CD44: variants seen among roughly 807,000 people sequenced by gnomAD.
The protein encoded by CD44 is CD44 antigen.
Under a neutral mutation model 88.8 loss-of-function variants are expected in CD44, and 49 were observed. The ratio of observed to expected loss-of-function variants is 0.55; its 90% CI spans 0.44 to 0.70. The LOEUF is 0.70. Among genes scored for constraint, CD44 ranks in the 30% least tolerant of loss-of-function variants. The pLI, the probability that CD44 is intolerant of heterozygous loss-of-function variation, is 0.00. For synonymous variants in CD44, 325 were observed against 312.3 expected, an observed-to-expected ratio of 1.04 and a Z score of -0.43; for missense variants, 883 against 913.8, an observed-to-expected ratio of 0.97 and a Z score of 0.43.
chr11:35,182,021 A>G (rs1472682427), intron 3 of CD44, among the ~76,000 whole-genome samples: 3 of 122,802 alleles, frequency 2.4e-5, no homozygotes, highest in Non-Finnish European at 4.8e-5. Context: ...ATATATGTAT[A>G]TATAAATATA....
chr11:35,207,344 A>T (rs1947964840), intron 11 of CD44, among the ~76,000 whole-genome samples: 1 of 152,218 alleles, frequency 6.6e-6, no homozygotes, highest in Non-Finnish European at 1.5e-5. Context: ...ATAGACTTTG[A>T]CTGAATTGAC....
chr11:35,206,755 G>T (rs1457646275), intron 11 of CD44, among the ~76,000 whole-genome samples: 1 of 151,734 alleles, frequency 6.6e-6, no homozygotes, highest in Non-Finnish European at 1.5e-5. Flanking sequence ...GTCAGTGAGT[G>T]GATCCATTTT....
In CD44 at chr11:35,206,179, G is replaced by T. The variant is rs1268122984; in HGVS notation, c.1350G>T (p.Trp450Cys). ...RTTPSPEDSS[W>C]TDFFNPISHP... is the part of the protein sequence containing the mutation. ...CACCAAGCCCAGAGGACAGTTCCTGGACTGATTTCTTCAACCCAATCTCAC... is the reference window on the plus strand; with the variant it reads ...CACCAAGCCCAGAGGACAGTTCCTGTACTGATTTCTTCAACCCAATCTCAC... The change falls in exon 11 of 18, where the codon TGG becomes TGT. Residue 450 changes from tryptophan (W) to cysteine (C), a missense_variant. By Grantham distance (215) the Trp-to-Cys change is radical. This residue lies in a region of CD44 where 631 missense variants were observed against 590.9 expected (regional missense o/e 1.07). Transcript: ENST00000428726. 1 of 1,612,516 alleles carries T rather than the reference G, an allele frequency of 6.2e-7. No individual in the cohort carries two copies.
rs1477867921 is a variant in CD44 at position 35,231,766 on chromosome 11, C to T, written c.*2433C>T. On this transcript the variant is annotated 3_prime_UTR_variant, in exon 18 of 18. Coordinates refer to ENST00000428726, the MANE Select transcript of CD44 (RefSeq NM_000610.4). Reference sequence around the variant, plus strand: ...GATTTTCAGGTGACCTGGGCTAAGTCATTTAAACTGGGTCTTTATAAAAGT... The same window carrying T: ...GATTTTCAGGTGACCTGGGCTAAGTTATTTAAACTGGGTCTTTATAAAAGT... 1 of 152,140 alleles carries T rather than the reference C, an allele frequency of 6.6e-6. No individual in the cohort carries two copies. The highest frequency in any genetic ancestry group is 1.5e-5 in the Non-Finnish European group (1 of 68,018). 9.4% of individuals were successfully genotyped at this position (152,140 alleles called of 1,614,324 possible).
intron 9 of CD44, among the ~76,000 whole-genome samples, chr11:35,203,708 T>TA (rs532371332): frequency 0.059 from 8,475 of 142,862 alleles, 265 homozygotes; most frequent in Middle Eastern, 0.082. Context: ...CTTGATAAAC[T>TA]AAAAAAAAAA....
chr11:35,173,610 T>C (rs1570483), intron 1 of CD44, among the ~76,000 whole-genome samples: 12,319 of 152,316 alleles, frequency 0.081, 638 homozygotes, highest in Admixed American at 0.16. Flanking sequence ...CATTGGCTTA[T>C]GTCTTTTCAA....
chr11:35,167,259 T>C (rs1409505167), intron 1 of CD44, among the ~76,000 whole-genome samples: 1 of 152,048 alleles, frequency 6.6e-6, no homozygotes, highest in Non-Finnish European at 1.5e-5. Context: ...GTTTTGTGTG[T>C]GTGTGTGTGT....
intron 15 of CD44, among the ~76,000 whole-genome samples, chr11:35,218,154 G>A (rs146066987): frequency 2.1e-3 from 320 of 152,094 alleles, no homozygotes; most frequent in African/African-American, 7.4e-3. Context: ...TCTGACTTGA[G>A]GATTGTCTGT....
At chr11:35,197,180 A>G (rs529896657) in intron 6 of CD44, 3 of 202,460 alleles carry the variant, frequency 1.5e-5, no homozygotes, top group Middle Eastern at 1.9e-3. Context: ...ATTCATGTAT[A>G]TTCTAAAATT....
chr11:35,153,869 C>T (rs1172308629), intron 1 of CD44, among the ~76,000 whole-genome samples: 2 of 152,196 alleles, frequency 1.3e-5, no homozygotes, highest in Non-Finnish European at 2.9e-5. Flanking sequence ...TGTTGTCAGA[C>T]TTCTCAGAGC....
chr11:35,160,629 G>C (rs556004446), intron 1 of CD44, among the ~76,000 whole-genome samples: 60 of 152,310 alleles, frequency 3.9e-4, no homozygotes, highest in African/African-American at 1.4e-3. Context: ...CTCTGTTCTT[G>C]TCTGATAAAG....
chr11:35,209,160 G>T (rs1948166759), intron 12 of CD44, among the ~76,000 whole-genome samples: 1 of 152,018 alleles, frequency 6.6e-6, no homozygotes, highest in South Asian at 2.1e-4. Context: ...ATGGCTTATG[G>T]GTGTGCTTTA....
At chr11:35,156,304 A>C (rs1171561153) in intron 1 of CD44, among the ~76,000 whole-genome samples, 2 of 152,150 alleles carry the variant, frequency 1.3e-5, no homozygotes, top group African/African-American at 4.8e-5. Context: ...CATGGGAGGA[A>C]GTCTTCAGGA....
chr11:35,171,551 A>C (rs1028189384), intron 1 of CD44, among the ~76,000 whole-genome samples: 2 of 152,222 alleles, frequency 1.3e-5, no homozygotes, highest in African/African-American at 4.8e-5. Context: ...GGCTGATCAC[A>C]TGCACATACA....
chr11:35,189,688 G>C, intron 4 of CD44, 147 bp from the exon 5 acceptor site: 1 of 646,674 alleles, frequency 1.5e-6, no homozygotes, highest in Non-Finnish European at 2.8e-6. Flanking sequence ...CACTTTCTTA[G>C]TGCATCTGCC....
intron 5 of CD44, among the ~76,000 whole-genome samples, chr11:35,190,600 C>T (rs1050686584): frequency 2.6e-5 from 4 of 152,238 alleles, no homozygotes; most frequent in Non-Finnish European, 5.9e-5. Flanking sequence ...ACATGCTTAG[C>T]TTTCCAATAA....
chr11:35,211,047 T>G (rs1274324030), intron 13 of CD44, among the ~76,000 whole-genome samples, 199 bp from the exon 14 acceptor site: 2 of 152,238 alleles, frequency 1.3e-5, no homozygotes, highest in Non-Finnish European at 2.9e-5. Context: ...CCAAAATCTC[T>G]TCTGTTGAGT....
In CD44 at chr11:35,198,146, A is replaced by G; in HGVS notation, c.822A>G (p.Ala274=). 1 of 1,614,056 alleles carries G rather than the reference A, an allele frequency of 6.2e-7. No individual in the cohort carries two copies. Among genetic ancestry groups the G allele is most frequent in the Non-Finnish European group, 8.5e-7 (1 of 1,179,916 alleles). Residue 274 remains alanine, a synonymous_variant, in exon 7 of 18, where the codon GCA becomes GCG. Transcript: ENST00000428726. ...GTACGTCTTCAAATACCATCTCAGC[A>G]GGCTGGGAGCCAAATGAAGAAAATG... ...MAGTSSNTIS[A]GWEPNEENED...
intron 1 of CD44, among the ~76,000 whole-genome samples, chr11:35,164,766 A>C (rs1400158853): frequency 6.6e-6 from 1 of 152,218 alleles, no homozygotes; most frequent in Non-Finnish European, 1.5e-5. Flanking sequence ...GTTCTTAATA[A>C]TGAAGGGAAG....
Sources: gnomAD v4.1 joint callset for allele counts (sites outside exome capture counted in the v4.1 genomes callset) on GRCh38, gnomAD v4.1.1 for gene constraint, gnomAD v4.1.1 regional missense constraint, MANE v1.5 for transcripts, NCBI Gene and HGNC (gene_info 2026-07-23, HGNC 2026-07-21) for gene names.